The following MACROD2 variants were observed in gnomAD, a reference collection of about 807,000 sequenced individuals.
MACROD2 encodes the protein mono-ADP ribosylhydrolase 2.
Under a neutral mutation model 70.4 loss-of-function variants are expected in MACROD2, and 36 were observed. That is an observed-to-expected ratio of 0.51 (90% CI 0.39 to 0.68). The LOEUF (loss-of-function observed/expected upper bound fraction) is 0.68. Ranked by LOEUF, MACROD2 falls within the 30% of genes least tolerant of loss-of-function variation. The pLI, the probability that MACROD2 is intolerant of heterozygous loss-of-function variation, is 0.00. For missense variants in MACROD2, 496 were observed against 538.4 expected, an observed-to-expected ratio of 0.92 and a Z score of 0.78; for synonymous variants, 172 against 178.8, an observed-to-expected ratio of 0.96 and a Z score of 0.30.
chr20:15,638,983 G>A (rs1465416697), intron 8 of MACROD2, among the ~76,000 whole-genome samples: 1 of 152,146 alleles, frequency 6.6e-6, no homozygotes, highest in African/African-American at 2.4e-5. Context: ...TTTCCTAAAA[G>A]GCTCCCGATA....
chr20:14,746,282 G>A (rs2071798673), intron 5 of MACROD2, among the ~76,000 whole-genome samples: 1 of 152,140 alleles, frequency 6.6e-6, no homozygotes, highest in Non-Finnish European at 1.5e-5. Context: ...GACCGCTCAT[G>A]TTTGCAGGCA....
chr20:15,818,399 T>C (rs2147098498), intron 8 of MACROD2, among the ~76,000 whole-genome samples: 1 of 152,270 alleles, frequency 6.6e-6, no homozygotes, highest in East Asian at 1.9e-4. Context: ...CCATCTAGGG[T>C]AACTTCCAGA....
chr20:14,896,068 G>A (rs934229464), intron 5 of MACROD2, among the ~76,000 whole-genome samples: 27 of 152,258 alleles, frequency 1.8e-4, no homozygotes, highest in African/African-American at 5.3e-4. Context: ...AGGCCGAGGC[G>A]GGCAGATCAC....
chr20:15,692,530 A>T (rs2050311010), intron 8 of MACROD2, among the ~76,000 whole-genome samples: 1 of 152,158 alleles, frequency 6.6e-6, no homozygotes, highest in Non-Finnish European at 1.5e-5. Flanking sequence ...GGCAAATTCA[A>T]GAGCAGAGGT....
intron 3 of MACROD2, among the ~76,000 whole-genome samples, chr20:14,276,901 C>T (rs1424320914): frequency 6.6e-6 from 1 of 152,130 alleles, no homozygotes; most frequent in Non-Finnish European, 1.5e-5. Context: ...ATGTCTTCTT[C>T]TTCATCATTT....
chr20:15,882,204 A>C (rs1190338508), intron 9 of MACROD2, among the ~76,000 whole-genome samples: 2 of 152,152 alleles, frequency 1.3e-5, no homozygotes, highest in African/African-American at 4.8e-5. Context: ...AACATGCATA[A>C]GCATGGGAGA....
chr20:15,403,212 C>T (rs1218089709), intron 6 of MACROD2, among the ~76,000 whole-genome samples: 6 of 152,166 alleles, frequency 3.9e-5, no homozygotes, highest in Admixed American at 2.0e-4. Context: ...AGGTGATCCA[C>T]CCGCCTCAGC....
chr20:16,001,491 G>A (rs368432395), intron 15 of MACROD2, among the ~76,000 whole-genome samples: 4 of 152,180 alleles, frequency 2.6e-5, no homozygotes, highest in Admixed American at 6.5e-5. Flanking sequence ...AATCAGTCAC[G>A]TTTCTAACCA....
intron 3 of MACROD2, among the ~76,000 whole-genome samples, chr20:14,305,790 G>A (rs1008912183): frequency 5.3e-5 from 8 of 151,468 alleles, no homozygotes; most frequent in South Asian, 2.1e-4. Context: ...ATCTTTTTTC[G>A]TATCTCAGAA....
chr20:15,248,436 C>T lies in MACROD2; in HGVS notation c.540+18375C>T, dbSNP rs555609444. On this transcript the variant is annotated intron_variant, in intron 6 of 17. Transcript: ENST00000684519. ...CAATTGTCTTTGTGGCCACCTCTGG[C>T]TTAAACCCTCTGTGACTCCTTTGTT... Among the ~76,000 whole-genome samples, 6 of 152,244 alleles carry T rather than the reference C, an allele frequency of 3.9e-5. No homozygotes were observed. The East Asian group carries it at 1.2e-3, about 29-fold the overall frequency.
intron 6 of MACROD2, among the ~76,000 whole-genome samples, chr20:15,334,591 A>T (rs561385949): frequency 6.1e-4 from 92 of 150,610 alleles, no homozygotes; most frequent in Admixed American, 1.5e-3. Flanking sequence ...GATTTTTTTT[A>T]AAAAAAAACT....
At chr20:15,506,825 G>T (rs1403292339) in intron 8 of MACROD2, among the ~76,000 whole-genome samples, 1 of 152,208 alleles carries the variant, frequency 6.6e-6, no homozygotes, top group African/African-American at 2.4e-5. Flanking sequence ...AACATTCAGA[G>T]ACCTGGAAGG....
chr20:15,362,985 A>C (rs1258694310), intron 6 of MACROD2, among the ~76,000 whole-genome samples: 1 of 151,600 alleles, frequency 6.6e-6, no homozygotes, highest in African/African-American at 2.4e-5. Flanking sequence ...GGAAGGAAAG[A>C]AAGAAGGAAG....
chr20:15,209,777 GACAA>G (rs151260112), intron 5 of MACROD2, among the ~76,000 whole-genome samples: 21 of 152,194 alleles, frequency 1.4e-4, no homozygotes, highest in African/African-American at 4.6e-4. Context: ...TATTGATGAA[GACAA>G]ACAAACCTAA....
intron 5 of MACROD2, among the ~76,000 whole-genome samples, chr20:15,080,054 C>A (rs2075690818): frequency 6.9e-6 from 1 of 145,474 alleles, no homozygotes; most frequent in Non-Finnish European, 1.6e-5. Context: ...TTGCTTCTGC[C>A]TTAGCCATAT....
chr20:15,738,405 A>T (rs2051056847), intron 8 of MACROD2, among the ~76,000 whole-genome samples: 1 of 152,210 alleles, frequency 6.6e-6, no homozygotes, highest in Non-Finnish European at 1.5e-5. Flanking sequence ...GTGTCACAGA[A>T]GCTGAGGAAA....
chr20:15,323,075 TGA>T (rs1251401670), intron 6 of MACROD2, among the ~76,000 whole-genome samples: 10 of 104,088 alleles, frequency 9.6e-5, no homozygotes, highest in Non-Finnish European at 2.0e-4. Context: ...TGCTGTATGT[TGA>T]TGTTGACATT....
intron 8 of MACROD2, among the ~76,000 whole-genome samples, chr20:15,668,318 A>AG (rs2049929715): frequency 6.6e-6 from 1 of 151,816 alleles, no homozygotes; most frequent in Non-Finnish European, 1.5e-5. Context: ...AATCAATCCC[A>AG]GCATTTTGGG....
chr20:14,473,172 A>G (rs1468248993), intron 3 of MACROD2, among the ~76,000 whole-genome samples: 2 of 152,172 alleles, frequency 1.3e-5, no homozygotes, highest in African/African-American at 4.8e-5. Flanking sequence ...CCCATATTCT[A>G]GCTACTTTGA....
Sources: allele counts gnomAD v4.1 joint callset (sites outside exome capture counted in the v4.1 genomes callset), GRCh38; gene constraint gnomAD v4.1.1; transcripts MANE v1.5; gene names NCBI Gene and HGNC (gene_info 2026-07-23, HGNC 2026-07-21).